The following CAMK1D variants were observed in gnomAD, a reference collection of about 807,000 sequenced individuals.
CAMK1D encodes calcium/calmodulin-dependent protein kinase type 1D.
Under a neutral mutation model 47.7 loss-of-function variants are expected in CAMK1D, and 9 were observed. The observed-to-expected ratio is 0.19, with a 90% CI of 0.11 to 0.33. CAMK1D has a LOEUF of 0.33. CAMK1D is among the 10% of genes least tolerant of loss of function. The pLI, the probability that CAMK1D is intolerant of heterozygous loss-of-function variation, is 1.00. For missense variants in CAMK1D, 291 were observed against 488.7 expected (o/e 0.60, Z 3.81); for synonymous variants, 184 against 184.9 (o/e 0.99, Z 0.04).
At chr10:12,401,650 G>T (rs1392005302) in intron 1 of CAMK1D, among the ~76,000 whole-genome samples, 1 of 151,666 alleles carries the variant, frequency 6.6e-6, no homozygotes, top group Non-Finnish European at 1.5e-5. Context: ...AGTTTGTCTG[G>T]GAGACTCAGG....
rs994740410 is a variant in CAMK1D at position 12,736,226 on chromosome 10, C to T, written c.300-24722C>T. On this transcript the variant is annotated intron_variant, in intron 3 of 10. Transcript: ENST00000619168. ...ACTTGCCTCCTCTCTTGCCTCCCCT[C>T]AACTTCTCCTGTTCTCTGTTATGGC... Among the ~76,000 whole-genome samples the T allele has an allele frequency of 3.9e-5, 6 of 152,324 alleles. No homozygotes were observed. The East Asian group carries it at 7.7e-4, about 20-fold the overall frequency.
chr10:12,587,216 T>C (rs1316729782), intron 2 of CAMK1D, among the ~76,000 whole-genome samples: 1 of 152,110 alleles, frequency 6.6e-6, no homozygotes, highest in African/African-American at 2.4e-5. Flanking sequence ...TGATGGTAAA[T>C]AACCGAAAAT....
intron 2 of CAMK1D, among the ~76,000 whole-genome samples, chr10:12,573,288 G>C (rs910909081): frequency 1.3e-5 from 2 of 152,202 alleles, no homozygotes; most frequent in African/African-American, 4.8e-5. Context: ...GATGCCTGTG[G>C]GTGTCAGATG....
At chr10:12,562,604 G>A (rs1836980397) in intron 2 of CAMK1D, among the ~76,000 whole-genome samples, 1 of 152,100 alleles carries the variant, frequency 6.6e-6, no homozygotes, top group African/African-American at 2.4e-5. Context: ...CTCACCCCAT[G>A]TTTCAGTTTA....
At chr10:12,791,105 C>T (rs1837959186) in intron 5 of CAMK1D, 53 bp from the exon 6 acceptor site, 10 of 1,554,794 alleles carry the variant, frequency 6.4e-6, no homozygotes, top group Middle Eastern at 1.7e-4. Flanking sequence ...AAACTGTCTT[C>T]AGTCCGAGGC....
chr10:12,632,166 G>A (rs1047345221), intron 2 of CAMK1D, among the ~76,000 whole-genome samples: 8 of 152,086 alleles, frequency 5.3e-5, no homozygotes, highest in East Asian at 1.9e-4. Flanking sequence ...GCTAAGATTC[G>A]CATCCCTTCT....
chr10:12,531,527 T>TGG (rs1325402994), intron 1 of CAMK1D, among the ~76,000 whole-genome samples: 1 of 152,200 alleles, frequency 6.6e-6, no homozygotes, highest in East Asian at 1.9e-4. Flanking sequence ...AACATAATGA[T>TGG]TACAGCGTGT....
At chr10:12,475,070 T>C (rs1441819596) in intron 1 of CAMK1D, among the ~76,000 whole-genome samples, 1 of 152,182 alleles carries the variant, frequency 6.6e-6, no homozygotes, top group Non-Finnish European at 1.5e-5. Flanking sequence ...GTAGCATGCA[T>C]GTGTCTTTAT....
chr10:12,816,679 G>A (rs1832807774), intron 8 of CAMK1D, among the ~76,000 whole-genome samples: 1 of 151,738 alleles, frequency 6.6e-6, no homozygotes, highest in South Asian at 2.1e-4. Context: ...GACCAGCCTG[G>A]CTAACATGGT....
intron 1 of CAMK1D, among the ~76,000 whole-genome samples, chr10:12,489,494 C>T (rs79325104): frequency 1.3e-5 from 2 of 152,128 alleles, no homozygotes; most frequent in Non-Finnish European, 2.9e-5. Flanking sequence ...CCATAAGGAT[C>T]ATTTTAATCA....
rs192816283 is a variant in CAMK1D at position 12,499,290 on chromosome 10, C to T, written c.93-53935C>T. The stretch of plus-strand genomic sequence containing the variant: ...GTAACCTTAGTAAGATGCAAATGGA[C>T]GGTCCTGGGTCTCATTTCATTGCCA... On this transcript the variant is annotated intron_variant, in intron 1 of 10. Coordinates refer to ENST00000619168, the MANE Select transcript of CAMK1D (RefSeq NM_153498.4). 1.2e-4 allele frequency among the ~76,000 whole-genome samples: 18 copies of T among 152,124 alleles called. No individual in the cohort carries two copies. The East Asian group carries it at 1.7e-3, about 15-fold the overall frequency.
chr10:12,740,841 C>T (rs1229558194), intron 3 of CAMK1D, among the ~76,000 whole-genome samples: 1 of 152,182 alleles, frequency 6.6e-6, no homozygotes, highest in Non-Finnish European at 1.5e-5. Context: ...AAAGCGGTCA[C>T]TCACATCCCT....
intron 1 of CAMK1D, among the ~76,000 whole-genome samples, chr10:12,530,783 G>A (rs1416841333): frequency 6.6e-6 from 1 of 152,154 alleles, no homozygotes; most frequent in East Asian, 1.9e-4. Flanking sequence ...TAGGCTGGGT[G>A]TGGTGGCTCA....
chr10:12,685,638 T>C (rs1005493359), intron 3 of CAMK1D, among the ~76,000 whole-genome samples: 3 of 152,312 alleles, frequency 2.0e-5, no homozygotes, highest in Non-Finnish European at 2.9e-5. Context: ...TGCTGAATTA[T>C]GCATATTTTT....
chr10:12,602,503 T>C (rs775010748), intron 2 of CAMK1D, among the ~76,000 whole-genome samples: 10 of 152,182 alleles, frequency 6.6e-5, no homozygotes, highest in Admixed American at 1.3e-4. Context: ...GAGCTATATT[T>C]GTAGGAGCAG....
chr10:12,776,136 G>A (rs2482050), intron 5 of CAMK1D, among the ~76,000 whole-genome samples: 2,049 of 5,360 alleles, frequency 0.38, 911 homozygotes, highest in Middle Eastern at 1. Context: ...GGTTTAGGTC[G>A]TATTGGTAGC....
At chr10:12,571,261 AC>A (rs143348064) in intron 2 of CAMK1D, among the ~76,000 whole-genome samples, 4,609 of 152,016 alleles carry the variant, frequency 0.03, 237 homozygotes, top group African/African-American at 0.1. Flanking sequence ...CCTGGCCAGC[AC>A]AGTGAAACCC....
chr10:12,556,991 C>T (rs574513179), intron 2 of CAMK1D, among the ~76,000 whole-genome samples: 13 of 152,164 alleles, frequency 8.5e-5, no homozygotes, highest in South Asian at 6.2e-4. Flanking sequence ...CTTAGAGATT[C>T]GGAAGGAATG....
At chr10:12,615,584 TAG>T (rs1838764608) in intron 2 of CAMK1D, among the ~76,000 whole-genome samples, 2 of 13,540 alleles carry the variant, frequency 1.5e-4, no homozygotes, top group African/African-American at 1.7e-4. Flanking sequence ...TGCGTGTGTG[TAG>T]GTGTGTATTG....
Sources: allele counts gnomAD v4.1 joint callset (sites outside exome capture counted in the v4.1 genomes callset), GRCh38; gene constraint gnomAD v4.1.1; transcripts MANE v1.5; gene names NCBI Gene and HGNC (gene_info 2026-07-23, HGNC 2026-07-21).